MICALL2: variants seen among roughly 807,000 people sequenced by gnomAD.
The protein encoded by MICALL2 is MICAL-like protein 2.
A neutral mutation model predicts 91.1 loss-of-function variants in MICALL2; 111 were observed. That is an observed-to-expected ratio of 1.22 (90% CI 1.04 to 1.43). MICALL2 has a LOEUF of 1.43. Among genes scored for constraint, MICALL2 ranks in the 40% most tolerant of loss-of-function variants. The probability of loss-of-function intolerance (pLI) is 0.00; values close to 1 mark genes in which losing one functional copy is unlikely to be tolerated. For synonymous variants in MICALL2, 694 were observed against 525.3 expected, an observed-to-expected ratio of 1.32 and a Z score of -4.39; for missense variants, 1,556 against 1,236.0, an observed-to-expected ratio of 1.26 and a Z score of -3.88.
rs769855348 is a variant in MICALL2 at position 1,445,341 on chromosome 7, G to A, written c.729C>T (p.Pro243=). The part of the protein sequence containing the change: ...PGTFVCTSHL[P]AAASASPKLT... ...ACTTGGGGCTTGCAGAGGCGGCTGC[G>A]GGGAGGTGGCTGGTGCAGACGAAGG... is the stretch of plus-strand genomic sequence containing the variant. Residue 243 remains proline (P), a synonymous_variant, in exon 6 of 17, where the codon CCC becomes CCT. Transcript: ENST00000297508. 3.2e-5 allele frequency: 51 copies of A among 1,604,486 alleles called. No homozygotes were observed. The highest frequency in any genetic ancestry group is 1.2e-4 in the African/African-American group (9 of 74,866).
intron 1 of MICALL2, among the ~76,000 whole-genome samples, chr7:1,456,694 C>A (rs1288285502): frequency 6.6e-6 from 1 of 152,106 alleles, no homozygotes; most frequent in Admixed American, 6.5e-5. Context: ...TTGCTTGAGT[C>A]CAGGTGTTCA....
Position 1,451,339 on chromosome 7 carries a change from G to C in MICALL2, c.144-1051C>G, listed in dbSNP as rs941359462. On this transcript the variant is annotated intron_variant, in intron 1 of 16. Transcript: ENST00000297508. The surrounding 1 kb of genome is among the most constrained non-coding windows in gnomAD (Gnocchi z 4.5). ...ACAAAAACCACCAGGCTCCCAGCAC[G>C]GGCTGCGGCTTCTGGGAGGGAGGGT... Among the ~76,000 whole-genome samples the C allele has an allele frequency of 1.3e-5, 2 of 152,136 alleles. No homozygotes were observed. Among genetic ancestry groups the C allele is most frequent in the African/African-American group, 4.8e-5 (2 of 41,438 alleles).
At chr7:1,435,411 G>A (rs1779919941) in intron 15 of MICALL2, among the ~76,000 whole-genome samples, 1 of 152,122 alleles carries the variant, frequency 6.6e-6, no homozygotes, top group African/African-American at 2.4e-5. Context: ...GGGACAGAAG[G>A]GCCTGGGCCG....
intron 7 of MICALL2, chr7:1,440,941 G>GGTGCCTAGGAGGCACCAGAGCCCTCA: frequency 2.0e-6 from 1 of 492,566 alleles, no homozygotes; most frequent in Non-Finnish European, 3.7e-6. Flanking sequence ...TCTGCCGAAT[G>GGTGCCTAGGAGGCACCAGAGCCCTCA]GGTGGGGACG....
chr7:1,439,387 C>T (rs1162766887), intron 9 of MICALL2: 11 of 233,938 alleles, frequency 4.7e-5, no homozygotes, highest in South Asian at 3.9e-4. Context: ...TGGGTACATG[C>T]ACCACATACA....
intron 7 of MICALL2, chr7:1,441,117 C>T (rs1036104441): frequency 1.6e-5 from 3 of 188,776 alleles, no homozygotes; most frequent in African/African-American, 6.9e-5. Flanking sequence ...CTGGAAAAAC[C>T]CTTTGCAGCC....
intron 10 of MICALL2, 126 bp from the exon 11 acceptor site, chr7:1,438,479 C>CCACACG (rs2128519470): frequency 2.0e-6 from 3 of 1,483,212 alleles, no homozygotes; most frequent in Non-Finnish European, 2.7e-6. Flanking sequence ...CCCTAATGCC[C>CCACACG]CACACGCCCA....
rs1435806697 is a variant in MICALL2 at position 1,459,450 on chromosome 7, C to G, written c.-124G>C. 3 of 945,370 alleles carry G rather than the reference C, an allele frequency of 3.2e-6. No individual in the cohort carries two copies. Among genetic ancestry groups the G allele is most frequent in the Non-Finnish European group, 2.9e-6 (2 of 699,598 alleles). 58.6% of individuals were successfully genotyped at this position (945,370 alleles called of 1,614,324 possible). ...ACGGAACCGCCAGACCCACGGCGCC[C>G]AGCCCCAGCTGAGCCGGACTGAGGG... is the stretch of plus-strand genomic sequence containing the variant. On this transcript the variant is annotated 5_prime_UTR_variant, in exon 1 of 17. Coordinates refer to ENST00000297508, the MANE Select transcript of MICALL2 (RefSeq NM_182924.4).
At chr7:1,448,900 G>A (rs541387988) in intron 2 of MICALL2, 139 bp from the exon 3 acceptor site, 50 of 1,004,248 alleles carry the variant, frequency 5.0e-5, no homozygotes, top group Middle Eastern at 3.2e-4. Flanking sequence ...AGTTCTGCTC[G>A]CGTGGCCTCC....
At chr7:1,440,291 T>C in intron 8 of MICALL2, 1 of 670,440 alleles carries the variant, frequency 1.5e-6, no homozygotes, top group Non-Finnish European at 2.5e-6. Flanking sequence ...GCGAAGCAGA[T>C]TCCAGGCGTG....
chr7:1,442,318 A>C lies in MICALL2; in HGVS notation c.1585T>G (p.Ser529Ala). The change falls in exon 7 of 17, where the codon TCC (serine) becomes GCC (alanine). Residue 529 changes from serine to alanine, a missense_variant. Physicochemically the swap from Ser to Ala is moderately conservative, Grantham distance 99. Transcript: ENST00000297508. ...CTCCTGCCTGCCGGGGGCAACGCGG[A>C]TGCCTGAGAGGTACTGCTCGTGCTC... is the stretch of plus-strand genomic sequence containing the variant. The part of the protein sequence containing the change: ...PLSTSSTSQA[S>A]ALPPAGRRNL... 1 of 1,613,166 alleles carries C rather than the reference A, an allele frequency of 6.2e-7. No homozygotes were observed. Among genetic ancestry groups the C allele is most frequent in the South Asian group, 1.1e-5 (1 of 91,066 alleles).
chr7:1,455,108 A>C (rs908591553), intron 1 of MICALL2, among the ~76,000 whole-genome samples: 1 of 151,968 alleles, frequency 6.6e-6, no homozygotes, highest in Non-Finnish European at 1.5e-5. Context: ...TTCCTGCGCC[A>C]CGCACAACGC....
At chr7:1,438,059 G>GGAGTCGGGCTGGCCCAGGGCCAGGCC in intron 12 of MICALL2, 38 bp downstream of exon 12, 1 of 1,565,358 alleles carries the variant, frequency 6.4e-7, no homozygotes, top group Non-Finnish European at 8.6e-7. Context: ...GGTGTCTGTG[G>GGAGTCGGGCTGGCCCAGGGCCAGGCC]GAGTCGGGCT....
intron 8 of MICALL2, 128 bp downstream of exon 8, chr7:1,440,463 C>T (rs1780226926): frequency 2.4e-6 from 2 of 835,858 alleles, no homozygotes; most frequent in Non-Finnish European, 3.9e-6. Context: ...GGTGACCTGG[C>T]CTCTGCTACT....
In MICALL2 at chr7:1,442,500, C is replaced by CAG. The variant is rs1254137940; in HGVS notation, c.1419-18_1419-17dup. 6.6e-7 allele frequency: 1 copy of CAG among 1,518,760 alleles called. No individual in the cohort carries two copies. The highest frequency in any genetic ancestry group is 1.4e-5 in the African/African-American group (1 of 71,784). The allele number at this position is 1,518,760 out of a possible 1,614,324, so 94.1% of individuals were successfully genotyped here. A position where few individuals can be genotyped will look rare whatever the true frequency, so the allele number is the denominator to read the frequency against. On this transcript the variant is annotated splice_polypyrimidine_tract_variant and intron_variant, in intron 6 of 16. Coordinates refer to ENST00000297508, the MANE Select transcript of MICALL2 (RefSeq NM_182924.4). ...TGGGGAGGGCCTATAAGTAAAAGCG[C>CAG]AGGCATCAGGCACAGCTGGATCCAG...
At chr7:1,454,034 T>C (rs12536136) in intron 1 of MICALL2, among the ~76,000 whole-genome samples, 18,278 of 152,100 alleles carry the variant, frequency 0.12, 1,312 homozygotes, top group Admixed American at 0.19. Flanking sequence ...GACCATCAAC[T>C]TCAGCCCATG....
chr7:1,450,800 C>T (rs901265471), intron 1 of MICALL2, among the ~76,000 whole-genome samples: 6 of 150,204 alleles, frequency 4.0e-5, no homozygotes, highest in Admixed American at 2.0e-4. Flanking sequence ...GGACAGGCCC[C>T]GGATCCACCT....
Position 1,442,240 on chromosome 7 carries a change from TCG to T in MICALL2, c.1661_1662del (p.Pro554GlnfsTer10). The part of the protein sequence containing the change: ...GVGRVGAGSR[P>X]KPEAPMAKGK... ...CCCTTTGCCATCGGGGCCTCTGGCT[TCG>T]GCCTGGAGCCAGCACCCACCCTGCC... On this transcript the variant is annotated frameshift_variant, in exon 7 of 17. Coordinates refer to ENST00000297508, the MANE Select transcript of MICALL2 (RefSeq NM_182924.4). LOFTEE classifies it high-confidence loss of function. 1 of 1,612,822 alleles carries T rather than the reference TCG, an allele frequency of 6.2e-7. No individual in the cohort carries two copies. Among genetic ancestry groups the T allele is most frequent in the Non-Finnish European group, 8.5e-7 (1 of 1,179,920 alleles).
Position 1,442,230 on chromosome 7 carries a change from G to A in MICALL2, c.1673C>T (p.Ala558Val), listed in dbSNP as rs938571132. ...VGAGSRPKPE[A>V]PMAKGKSTTL... ...GGTGCTTTTACCCTTTGCCATCGGG[G>A]CCTCTGGCTTCGGCCTGGAGCCAGC... Residue 558 changes from alanine (A) to valine (V), a missense_variant, in exon 7 of 17, where the codon GCC (alanine) becomes GTC (valine). Transcript: ENST00000297508. 1 of 1,612,788 alleles carries A rather than the reference G, an allele frequency of 6.2e-7. No individual in the cohort carries two copies. Among genetic ancestry groups the A allele is most frequent in the Non-Finnish European group, 8.5e-7 (1 of 1,179,928 alleles).
Sources: gnomAD v4.1 joint callset for allele counts (sites outside exome capture counted in the v4.1 genomes callset) on GRCh38, gnomAD v4.1.1 for gene constraint, Gnocchi (gnomAD v3.1) non-coding constraint, MANE v1.5 for transcripts, NCBI Gene and HGNC (gene_info 2026-07-23, HGNC 2026-07-21) for gene names.